The following SCN1B variants were observed in gnomAD, a reference collection of about 807,000 sequenced individuals.
The protein encoded by SCN1B is sodium channel regulatory subunit beta-1.
In SCN1B, 11 loss-of-function variants were observed where a neutral mutation model predicts 25.7. The observed-to-expected ratio is 0.43, with a 90% CI of 0.27 to 0.71. The LOEUF (loss-of-function observed/expected upper bound fraction) is 0.71, where lower values mean the gene tolerates loss of function less well. Among genes scored for constraint, SCN1B ranks in the 30% least tolerant of loss-of-function variants. The pLI is 0.21. For missense variants in SCN1B, 224 were observed against 291.5 expected, an observed-to-expected ratio of 0.77 and a Z score of 1.69; for synonymous variants, 119 against 117.5, an observed-to-expected ratio of 1.01 and a Z score of -0.08.
rs746347382 is a variant in SCN1B at position 35,032,866 on chromosome 19, A to G, written c.207+172A>G. ...GCTGGTGACCTTGGCCAAGTCAGTG[A>G]GCCTCTCTGAAAGTCAGTTTCCTCC... is the stretch of plus-strand genomic sequence containing the variant. On this transcript the variant is annotated intron_variant, in intron 2 of 5. Transcript: ENST00000262631. This position sits in a 1 kb window ranked among gnomAD's most constrained non-coding sequence, Gnocchi z 4.3. Among the ~76,000 whole-genome samples, 5 of 152,010 alleles carry G rather than the reference A, an allele frequency of 3.3e-5. No homozygotes were observed. The highest frequency in any genetic ancestry group is 4.8e-5 in the African/African-American group (2 of 41,378).
At chr19:35,036,595 A>G (rs982332234) in intron 3 of SCN1B, 23 of 150,180 alleles carry the variant, frequency 1.5e-4, no homozygotes, top group African/African-American at 4.4e-4. Context: ...ACCATGCCCA[A>G]CTAATTTTTG....
chr19:35,036,221 C>T (rs2064246916), intron 3 of SCN1B: 1 of 151,946 alleles, frequency 6.6e-6, no homozygotes, highest in African/African-American at 2.4e-5. Flanking sequence ...CGTTCCCCAC[C>T]ATGGCGGGTA....
intron 3 of SCN1B, chr19:35,034,015 A>G: frequency 6.5e-7 from 1 of 1,549,436 alleles, no homozygotes; most frequent in Non-Finnish European, 8.7e-7. Flanking sequence ...GACCTCTGGC[A>G]GGTGCCTTCT....
At chr19:35,031,451 G>C (rs908718859) in intron 1 of SCN1B, 13 of 152,428 alleles carry the variant, frequency 8.5e-5, no homozygotes, top group African/African-American at 2.9e-4. Flanking sequence ...AGAGAAGAGA[G>C]AGGGAGATGC....
chr19:35,030,808 G>C lies in SCN1B; in HGVS notation c.-13G>C. On this transcript the variant is annotated 5_prime_UTR_variant, in exon 1 of 6. Transcript: ENST00000262631. The stretch of plus-strand genomic sequence containing the variant: ...GCGGCCCGGGAGGGGGGCGCAGCAC[G>C]CGCCGCGCAGCCATGGGGAGGCTGC... The C allele has an allele frequency of 9.4e-7, 1 of 1,068,964 alleles. No individual in the cohort carries two copies. The highest frequency in any genetic ancestry group is 1.2e-6 in the Non-Finnish European group (1 of 839,800). 66.2% of individuals were successfully genotyped at this position (1,068,964 alleles called of 1,614,324 possible). A position where few individuals can be genotyped will look rare whatever the true frequency, so the allele number is the denominator to read the frequency against.
chr19:35,030,751 T>C lies in SCN1B; in HGVS notation c.-70T>C. On this transcript the variant is annotated 5_prime_UTR_variant, in exon 1 of 6. Coordinates refer to ENST00000262631, the MANE Select transcript of SCN1B (RefSeq NM_001037.5). The stretch of plus-strand genomic sequence containing the variant: ...CGGGGACATTCTAACCGCCGCCAGG[T>C]CCCGCCGCCTCTCGCCCCGCTATTA... The C allele has an allele frequency of 4.1e-6, 2 of 485,458 alleles. No individual in the cohort carries two copies. Among genetic ancestry groups the C allele is most frequent in the South Asian group, 2.1e-5 (1 of 46,700 alleles). 30.1% of individuals were successfully genotyped at this position (485,458 alleles called of 1,614,324 possible).
chr19:35,033,019 T>C (rs2064224089), intron 2 of SCN1B, among the ~76,000 whole-genome samples: 1 of 152,194 alleles, frequency 6.6e-6, no homozygotes. Context: ...CAGCAAACAA[T>C]GTCTCTGATA....
chr19:35,033,523 T>C lies in SCN1B; in HGVS notation c.232T>C (p.Leu78=). 1 of 1,613,812 alleles carries C rather than the reference T, an allele frequency of 6.2e-7. No individual in the cohort carries two copies. The highest frequency in any genetic ancestry group is 8.5e-7 in the Non-Finnish European group (1 of 1,179,904). ...VKILRYENEV[L]QLEEDERFEG... is the part of the protein sequence containing the mutation. ...GATCCTGCGCTATGAGAATGAGGTG[T>C]TGCAGCTGGAGGAGGATGAGCGCTT... The change falls in exon 3 of 6, where the codon TTG becomes CTG. Residue 78 remains leucine (L), a synonymous_variant. Coordinates refer to ENST00000262631, the MANE Select transcript of SCN1B (RefSeq NM_001037.5).
rs1375912783 is a variant in SCN1B at position 35,030,613 on chromosome 19, G to C, written c.-208G>C. 6.4e-6 allele frequency: 1 copy of C among 155,062 alleles called. No homozygotes were observed. 9.6% of individuals were successfully genotyped at this position (155,062 alleles called of 1,614,324 possible). ...CGCCGCCCGCGCGGCGGGGATGCCCGGACGCCGGGCCCCGGGGCTGGGCCC... is the reference window on the plus strand; with the variant it reads ...CGCCGCCCGCGCGGCGGGGATGCCCCGACGCCGGGCCCCGGGGCTGGGCCC... On this transcript the variant is annotated 5_prime_UTR_variant, in exon 1 of 6. Transcript: ENST00000262631.
intron 3 of SCN1B, chr19:35,037,803 G>GA (rs1234792630): frequency 7.0e-6 from 1 of 142,670 alleles, no homozygotes; most frequent in South Asian, 2.2e-4. Flanking sequence ...AAAAAAAAAG[G>GA]AAAAAATTCA....
At position 35,034,148 on chromosome 19, in the gene SCN1B, C is replaced by T. The variant is rs373458145; in HGVS notation, c.448+409C>T. ...TGAGGATTGAGCAGCTGCAGGCACA[C>T]GCCTGGCTTCCAGCAGAGCCTTGCA... On this transcript the variant is annotated intron_variant, in intron 3 of 5. Coordinates refer to ENST00000262631, the MANE Select transcript of SCN1B (RefSeq NM_001037.5). 5.6e-5 allele frequency: 87 copies of T among 1,550,428 alleles called. No homozygotes were observed. In the African/African-American group the frequency reaches 6.4e-4, roughly 11 times the overall value.
In SCN1B at chr19:35,040,072, G is replaced by A; in HGVS notation, c.*281G>A. On this transcript the variant is annotated 3_prime_UTR_variant, in exon 6 of 6. Coordinates refer to ENST00000262631, the MANE Select transcript of SCN1B (RefSeq NM_001037.5). ...TTCTGCTGCCTGTTTGGGGAGGGGGGCGGTGAGGTGGGGGCAGCGGCCCCG... is the reference window on the plus strand; with the variant it reads ...TTCTGCTGCCTGTTTGGGGAGGGGGACGGTGAGGTGGGGGCAGCGGCCCCG... 1 of 323,346 alleles carries A rather than the reference G, an allele frequency of 3.1e-6. No homozygotes were observed. The highest frequency in any genetic ancestry group is 3.1e-5 in the South Asian group (1 of 31,908). The allele number at this position is 323,346 out of a possible 1,614,324, so 20.0% of individuals were successfully genotyped here.
rs367768639 is a variant in SCN1B at position 35,039,867 on chromosome 19, G to C, written c.*76G>C. The stretch of plus-strand genomic sequence containing the variant: ...TCCAGGCACCGCCTGCCCCCAGCGT[G>C]GGGGTGGCCACTCCTGGGCCCCAGA... On this transcript the variant is annotated 3_prime_UTR_variant, in exon 6 of 6. Coordinates refer to ENST00000262631, the MANE Select transcript of SCN1B (RefSeq NM_001037.5). 1.4e-6 allele frequency: 1 copy of C among 729,304 alleles called. No homozygotes were observed. Among genetic ancestry groups the C allele is most frequent in the East Asian group, 2.7e-5 (1 of 36,938 alleles). The allele number at this position is 729,304 out of a possible 1,614,324, so 45.2% of individuals were successfully genotyped here. A position where few individuals can be genotyped will look rare whatever the true frequency, so the allele number is the denominator to read the frequency against.
chr19:35,034,090 G>T (rs1333970134), intron 3 of SCN1B: 1 of 1,551,710 alleles, frequency 6.4e-7, no homozygotes, highest in Admixed American at 2.0e-5. Context: ...TTCTCGGGGT[G>T]TGGTTTGAGC....
chr19:35,039,213 A>G lies in SCN1B; in HGVS notation c.545A>G (p.Tyr182Cys), dbSNP rs1600370745. Residue 182 changes from tyrosine (Y) to cysteine (C), a missense_variant, in exon 4 of 6, where the codon TAC (tyrosine) becomes TGC (cysteine). Physicochemically the swap from Tyr to Cys is radical, Grantham distance 194. Transcript: ENST00000262631. ...CTCGTGGCAGAGATGATTTACTGCT[A>G]CAAGAAGATCGCTGCCGCCACGGAG... ...IWLVAEMIYC[Y>C]KKIAAATETA... 2 of 1,614,034 alleles carry G rather than the reference A, an allele frequency of 1.2e-6. No homozygotes were observed.
chr19:35,032,451 C>T lies in SCN1B; in HGVS notation c.41-77C>T, dbSNP rs1484649395. On this transcript the variant is annotated intron_variant, in intron 1 of 5. Transcript: ENST00000262631. The surrounding 1 kb of genome is among the most constrained non-coding windows in gnomAD (Gnocchi z 4.3). ...CTGCTGGTAATCATTGAGGGGGGAA[C>T]AGATGGTTTGTGAGGGGTCTGGCAT... 8 of 1,548,616 alleles carry T rather than the reference C, an allele frequency of 5.2e-6. No homozygotes were observed. Among genetic ancestry groups the T allele is most frequent in the Admixed American group, 3.3e-5 (2 of 59,820 alleles).
Position 35,034,016 on chromosome 19 carries a change from G to T in SCN1B, c.448+277G>T, listed in dbSNP as rs2064232777. Reference sequence around the variant, plus strand: ...CACCTGTGCTGTATGACCTCTGGCAGGTGCCTTCTGTCTCTGAGCCAAAGG... The same window carrying T: ...CACCTGTGCTGTATGACCTCTGGCATGTGCCTTCTGTCTCTGAGCCAAAGG... On this transcript the variant is annotated intron_variant, in intron 3 of 5. Coordinates refer to ENST00000262631, the MANE Select transcript of SCN1B (RefSeq NM_001037.5). 1 of 1,549,358 alleles carries T rather than the reference G, an allele frequency of 6.5e-7. No homozygotes were observed. The highest frequency in any genetic ancestry group is 8.7e-7 in the Non-Finnish European group (1 of 1,144,822).
At chr19:35,039,402 T>C in intron 4 of SCN1B, 144 bp downstream of exon 4, 1 of 1,210,438 alleles carries the variant, frequency 8.3e-7, no homozygotes, top group Non-Finnish European at 1.2e-6. Flanking sequence ...GAGTGCTCCC[T>C]GTCAGACACA....
intron 4 of SCN1B, 93 bp downstream of exon 4, chr19:35,039,351 G>A (rs1457111491): frequency 7.0e-6 from 11 of 1,566,512 alleles, no homozygotes; most frequent in Admixed American, 3.4e-5. Flanking sequence ...AGGAGGCAGC[G>A]GAGCGGCCCA....
Sources: gnomAD v4.1 joint callset for allele counts (sites outside exome capture counted in the v4.1 genomes callset) on GRCh38, gnomAD v4.1.1 for gene constraint, Gnocchi (gnomAD v3.1) non-coding constraint, MANE v1.5 for transcripts, NCBI Gene and HGNC (gene_info 2026-07-23, HGNC 2026-07-21) for gene names.